The following JPH4 variants were observed in gnomAD, a reference collection of about 807,000 sequenced individuals.
The protein encoded by JPH4 is junctophilin-4.
A neutral mutation model predicts 57.6 loss-of-function variants in JPH4; 18 were observed. That is an observed-to-expected ratio of 0.31 (90% confidence interval 0.22 to 0.46). The LOEUF (loss-of-function observed/expected upper bound fraction) is 0.46. Among genes scored for constraint, JPH4 ranks in the 20% least tolerant of loss-of-function variants. The probability of loss-of-function intolerance (pLI) is 1.00; values close to 1 mark genes in which losing one functional copy is unlikely to be tolerated. For synonymous variants in JPH4, 425 were observed against 406.6 expected (o/e 1.05, Z -0.54); for missense variants, 727 against 911.1 (o/e 0.80, Z 2.60).
intron 3 of JPH4, chr14:23,574,869 G>A (rs1338342188): frequency 2.8e-5 from 6 of 210,650 alleles, no homozygotes; most frequent in Non-Finnish European, 5.6e-5. Flanking sequence ...GCCCAGGCTG[G>A]TCTTGATGGG....
At chr14:23,572,514 T>C (rs1427842796) in intron 3 of JPH4, among the ~76,000 whole-genome samples, 1 of 152,026 alleles carries the variant, frequency 6.6e-6, no homozygotes, top group Non-Finnish European at 1.5e-5. Flanking sequence ...TAACAGTCTC[T>C]GCCTCCCTTT....
Position 23,575,619 on chromosome 14 carries a change from G to A in JPH4, c.1151+66C>T, listed in dbSNP as rs774890338. On this transcript the variant is annotated intron_variant, in intron 3 of 5. Transcript: ENST00000356300. The surrounding 1 kb of genome is among the most constrained non-coding windows in gnomAD (Gnocchi z 6.9). ...CCTTGGGCCTCCCTTAGGCACACCC[G>A]CCTTCCTGGTCCCCAGCGCACCCCC... is the stretch of plus-strand genomic sequence containing the variant. 7 of 1,542,884 alleles carry A rather than the reference G, an allele frequency of 4.5e-6. No homozygotes were observed. Among genetic ancestry groups the A allele is most frequent in the South Asian group, 1.2e-5 (1 of 84,358 alleles).
intron 5 of JPH4, 50 bp downstream of exon 5, chr14:23,570,878 A>T (rs764718784): frequency 6.9e-7 from 1 of 1,457,288 alleles, no homozygotes; most frequent in Non-Finnish European, 9.1e-7. Flanking sequence ...AAAGGGTGGG[A>T]GGCAAGGCTT....
Position 23,575,528 on chromosome 14 carries a change from A to G in JPH4, c.1151+157T>C. ...TCCACCTGTAGCCTCGGATATAAACACCAAGAATGCCCAGGGGTCCAACTG... is the reference window on the plus strand; with the variant it reads ...TCCACCTGTAGCCTCGGATATAAACGCCAAGAATGCCCAGGGGTCCAACTG... On this transcript the variant is annotated intron_variant, in intron 3 of 5. Coordinates refer to ENST00000356300, the MANE Select transcript of JPH4 (RefSeq NM_001146028.2). The surrounding 1 kb of genome is among the most constrained non-coding windows in gnomAD (Gnocchi z 6.9). 1.1e-6 allele frequency: 1 copy of G among 896,082 alleles called. No individual in the cohort carries two copies. Among genetic ancestry groups the G allele is most frequent in the Non-Finnish European group, 1.7e-6 (1 of 598,480 alleles). The allele number at this position is 896,082 out of a possible 1,614,324, so 55.5% of individuals were successfully genotyped here.
chr14:23,573,177 C>A (rs1889194960), intron 3 of JPH4, among the ~76,000 whole-genome samples: 2 of 152,186 alleles, frequency 1.3e-5, no homozygotes, highest in African/African-American at 4.8e-5. Flanking sequence ...TATTCTTAGT[C>A]CATAGCCTCT....
At chr14:23,572,562 C>G (rs947810754) in intron 3 of JPH4, among the ~76,000 whole-genome samples, 1 of 150,938 alleles carries the variant, frequency 6.6e-6, no homozygotes, top group African/African-American at 2.5e-5. Flanking sequence ...ATTAATCCTA[C>G]CTCTACCCGT....
Position 23,572,927 on chromosome 14 carries a change from C to T in JPH4, c.1152-1007G>A, listed in dbSNP as rs1305505734. 3 of 702,490 alleles carry T rather than the reference C, an allele frequency of 4.3e-6. No individual in the cohort carries two copies. The African/African-American group carries it at 5.2e-5, about 12-fold the overall frequency. The allele number at this position is 702,490 out of a possible 1,614,324, so 43.5% of individuals were successfully genotyped here. A position where few individuals can be genotyped will look rare whatever the true frequency, so the allele number is the denominator to read the frequency against. ...CTCCCTGTGATGTCAGATGCTTCCT[C>T]AGTTTTCTCTTCCCTTTCACCCTCT... On this transcript the variant is annotated intron_variant, in intron 3 of 5. Transcript: ENST00000356300.
Position 23,578,167 on chromosome 14 carries a change from G to A in JPH4, c.-172+13C>T. ...CGGGCAGACAGGCAGAAGGGAGGGG[G>A]CAGGCTACTCACCATGTGGGCTGGG... On this transcript the variant is annotated intron_variant, in intron 1 of 5. Transcript: ENST00000356300. 6.6e-6 allele frequency: 1 copy of A among 152,246 alleles called. No homozygotes were observed. Among genetic ancestry groups the A allele is most frequent in the East Asian group, 1.9e-4 (1 of 5,130 alleles). The allele number at this position is 152,246 out of a possible 1,614,324, so 9.4% of individuals were successfully genotyped here.
intron 3 of JPH4, among the ~76,000 whole-genome samples, chr14:23,574,299 C>T (rs771342016): frequency 1.3e-5 from 2 of 151,872 alleles, no homozygotes; most frequent in African/African-American, 2.4e-5. Flanking sequence ...CTCAGCCTCC[C>T]GAGTAGCTGG....
Position 23,575,628 on chromosome 14 carries a change from G to C in JPH4, c.1151+57C>G. 1 of 1,550,106 alleles carries C rather than the reference G, an allele frequency of 6.5e-7. No homozygotes were observed. The highest frequency in any genetic ancestry group is 1.2e-5 in the South Asian group (1 of 84,666). ...TCCCTTAGGCACACCCGCCTTCCTG[G>C]TCCCCAGCGCACCCCCTCCTCTTAG... is the stretch of plus-strand genomic sequence containing the variant. On this transcript the variant is annotated intron_variant, in intron 3 of 5. Coordinates refer to ENST00000356300, the MANE Select transcript of JPH4 (RefSeq NM_001146028.2). This position sits in a 1 kb window ranked among gnomAD's most constrained non-coding sequence, Gnocchi z 6.9.
Position 23,577,400 on chromosome 14 carries a change from G to A in JPH4, c.54C>T (p.Gly18=), listed in dbSNP as rs2139475559. 1.4e-6 allele frequency: 2 copies of A among 1,472,104 alleles called. No individual in the cohort carries two copies. The highest frequency in any genetic ancestry group is 1.3e-5 in the South Asian group (1 of 75,648). 91.2% of individuals were successfully genotyped at this position (1,472,104 alleles called of 1,614,324 possible). The part of the protein sequence containing the change: ...DFDDGGCYVG[G]WEAGRAHGYG... ...AGCCATGTGCCCGCCCCGCCTCCCA[G>A]CCCCCCACGTAGCAGCCCCCGTCGT... The change falls in exon 2 of 6, where the codon GGC becomes GGT. Residue 18 remains glycine (G), a synonymous_variant. Coordinates refer to ENST00000356300, the MANE Select transcript of JPH4 (RefSeq NM_001146028.2). This position sits in a 1 kb window ranked among gnomAD's most constrained non-coding sequence, Gnocchi z 8.4.
chr14:23,575,954 G>A lies in JPH4; in HGVS notation c.882C>T (p.Phe294=). Residue 294 remains phenylalanine, a synonymous_variant, in exon 3 of 6, where the codon TTC becomes TTT. Coordinates refer to ENST00000356300, the MANE Select transcript of JPH4 (RefSeq NM_001146028.2). This position sits in a 1 kb window ranked among gnomAD's most constrained non-coding sequence, Gnocchi z 6.9. ...GEWRADRRSG[F]GVSQRSNGLR... is the part of the protein sequence containing the mutation. ...GCCCGTTGGAGCGCTGGCTGACGCC[G>A]AAGCCGCTGCGCCGATCTGCGCGCC... The A allele has an allele frequency of 1.3e-6, 2 of 1,543,724 alleles. No homozygotes were observed. Among genetic ancestry groups the A allele is most frequent in the Non-Finnish European group, 1.7e-6 (2 of 1,154,170 alleles).
rs892018189 is a variant in JPH4 at position 23,577,014 on chromosome 14, C to T, written c.379+61G>A. 4 of 1,425,520 alleles carry T rather than the reference C, an allele frequency of 2.8e-6. No homozygotes were observed. The highest frequency in any genetic ancestry group is 2.8e-5 in the Admixed American group (1 of 35,736). 88.3% of individuals were successfully genotyped at this position (1,425,520 alleles called of 1,614,324 possible). A position where few individuals can be genotyped will look rare whatever the true frequency, so the allele number is the denominator to read the frequency against. ...AAGGGCGCAAATGGCGGGCGAAGGCCCAAGGCTGGGGAAGGCGCACGCGGA... is the reference window on the plus strand; with the variant it reads ...AAGGGCGCAAATGGCGGGCGAAGGCTCAAGGCTGGGGAAGGCGCACGCGGA... On this transcript the variant is annotated intron_variant, in intron 2 of 5. Transcript: ENST00000356300. This position sits in a 1 kb window ranked among gnomAD's most constrained non-coding sequence, Gnocchi z 8.4.
rs573174985 is a variant in JPH4 at position 23,571,785 on chromosome 14, A to C, written c.1270+17T>G. ...CTAGGGGCCTCACTGCCCTCCCCCC[A>C]GCTGTCCATGCCTCACCTGGGGCCT... On this transcript the variant is annotated intron_variant, in intron 4 of 5. Coordinates refer to ENST00000356300, the MANE Select transcript of JPH4 (RefSeq NM_001146028.2). The surrounding 1 kb of genome is among the most constrained non-coding windows in gnomAD (Gnocchi z 4.6). 3 of 1,606,698 alleles carry C rather than the reference A, an allele frequency of 1.9e-6. No individual in the cohort carries two copies. In the African/African-American group the frequency reaches 4.0e-5, roughly 21 times the overall value.
In JPH4 at chr14:23,577,420, C is replaced by A; in HGVS notation, c.34G>T (p.Gly12Trp). 1 of 1,447,432 alleles carries A rather than the reference C, an allele frequency of 6.9e-7. No homozygotes were observed. The highest frequency in any genetic ancestry group is 9.1e-7 in the Non-Finnish European group (1 of 1,103,620). The allele number at this position is 1,447,432 out of a possible 1,614,324, so 89.7% of individuals were successfully genotyped here. Reference protein sequence around the residue: ...SPGGKFDFDDGGCYVGGWEAG... With the variant: ...SPGGKFDFDDWGCYVGGWEAG... Reference sequence around the variant, plus strand: ...TCCCAGCCCCCCACGTAGCAGCCCCCGTCGTCAAAGTCGAACTTGCCCCCG... The same window carrying A: ...TCCCAGCCCCCCACGTAGCAGCCCCAGTCGTCAAAGTCGAACTTGCCCCCG... The change falls in exon 2 of 6, where the codon GGG (glycine) becomes TGG (tryptophan). Residue 12 changes from glycine (G) to tryptophan (W), a missense_variant. This residue lies in a region of JPH4 where 83 missense variants were observed against 135.4 expected (regional missense o/e 0.61). Coordinates refer to ENST00000356300, the MANE Select transcript of JPH4 (RefSeq NM_001146028.2). This position sits in a 1 kb window ranked among gnomAD's most constrained non-coding sequence, Gnocchi z 8.4.
At position 23,575,825 on chromosome 14, in the gene JPH4, C is replaced by T. The variant is rs1324897306; in HGVS notation, c.1011G>A (p.Leu337=). 1.9e-6 allele frequency: 3 copies of T among 1,586,782 alleles called. No homozygotes were observed. Among genetic ancestry groups the T allele is most frequent in the Non-Finnish European group, 2.6e-6 (3 of 1,168,652 alleles). The change falls in exon 3 of 6, where the codon CTG becomes CTA. Residue 337 remains leucine (L), a synonymous_variant. Coordinates refer to ENST00000356300, the MANE Select transcript of JPH4 (RefSeq NM_001146028.2). The surrounding 1 kb of genome is among the most constrained non-coding windows in gnomAD (Gnocchi z 6.9). ...REEGKYKRNR[L]VHGGRVRSLL... is the part of the protein sequence containing the mutation. ...GACTGCGGACGCGCCCGCCGTGCAC[C>T]AGCCGGTTGCGCTTGTACTTGCCCT...
rs1307459630 is a variant in JPH4, at chr14:23,576,042, G to T, written c.794C>A (p.Pro265His). The T allele has an allele frequency of 1.5e-6, 2 of 1,322,942 alleles. No individual in the cohort carries two copies. Among genetic ancestry groups the T allele is most frequent in the African/African-American group, 3.1e-5 (2 of 64,830 alleles). The allele number at this position is 1,322,942 out of a possible 1,614,324, so 82.0% of individuals were successfully genotyped here. A position where few individuals can be genotyped will look rare whatever the true frequency, so the allele number is the denominator to read the frequency against. ...TGPPGSEASG[P>H]PAAAPPALIE... ...GAGGGCGGGCGGCGCTGCGGCCGGG[G>T]GCCCGCTGGCCTCCGAGCCGGGCGG... The change falls in exon 3 of 6, where the codon CCC becomes CAC. Residue 265 changes from proline (P) to histidine (H), a missense_variant. Physicochemically the swap from Pro to His is moderately conservative, Grantham distance 77. Around this residue, in one of 7 missense-constraint regions of JPH4, gnomAD observed 131 missense variants for 156.5 expected, o/e 0.84. Coordinates refer to ENST00000356300, the MANE Select transcript of JPH4 (RefSeq NM_001146028.2). This position sits in a 1 kb window ranked among gnomAD's most constrained non-coding sequence, Gnocchi z 8.0.
chr14:23,571,787 CT>C lies in JPH4; in HGVS notation c.1270+14del. ...AGGGGCCTCACTGCCCTCCCCCCAG[CT>C]GTCCATGCCTCACCTGGGGCCTCTA... On this transcript the variant is annotated intron_variant, in intron 4 of 5. Coordinates refer to ENST00000356300, the MANE Select transcript of JPH4 (RefSeq NM_001146028.2). The surrounding 1 kb of genome is among the most constrained non-coding windows in gnomAD (Gnocchi z 4.6). 1 of 1,603,460 alleles carries C rather than the reference CT, an allele frequency of 6.2e-7. No individual in the cohort carries two copies. The highest frequency in any genetic ancestry group is 1.3e-5 in the African/African-American group (1 of 74,902).
intron 3 of JPH4, chr14:23,572,992 C>T (rs1307630004): frequency 5.3e-5 from 37 of 701,348 alleles, no homozygotes; most frequent in Non-Finnish European, 9.4e-5. Context: ...TAAATGAGTT[C>T]TGTAATTCTG....
Sources: allele counts gnomAD v4.1 joint callset (sites outside exome capture counted in the v4.1 genomes callset), GRCh38; gene constraint gnomAD v4.1.1; regional missense constraint gnomAD v4.1.1; non-coding constraint Gnocchi (gnomAD v3.1); transcripts MANE v1.5; gene names NCBI Gene and HGNC (gene_info 2026-07-23, HGNC 2026-07-21).